ANKRD26: variants seen among roughly 807,000 people sequenced by gnomAD.
The protein encoded by ANKRD26 is ankyrin repeat domain-containing protein 26.
A neutral mutation model predicts 208.7 loss-of-function variants in ANKRD26; 141 were observed. The ratio of observed to expected loss-of-function variants is 0.68; its 90% CI spans 0.59 to 0.78. The LOEUF is 0.78. Among genes scored for constraint, ANKRD26 ranks in the 30% least tolerant of loss-of-function variants. ANKRD26 has a pLI of 0.00. For synonymous variants in ANKRD26, 636 were observed against 660.4 expected, an observed-to-expected ratio of 0.96 and a Z score of 0.57; for missense variants, 1,889 against 1,938.7, an observed-to-expected ratio of 0.97 and a Z score of 0.48.
rs144521401 is a variant in ANKRD26 at position 27,033,031 on chromosome 10, C to T, written c.3807+194G>A. Among the ~76,000 whole-genome samples, 2,951 of 145,874 alleles carry T rather than the reference C, an allele frequency of 0.02. 47 individuals are homozygous for T. The highest frequency in any genetic ancestry group is 0.058 in the Middle Eastern group (15 of 258). ...TGGGGCTTGCATTGAGCCGAGATCG[C>T]GCCACTGTGCCACTGCACTCCAGCC... On this transcript the variant is annotated intron_variant, in intron 25 of 33. Transcript: ENST00000376087.
chr10:26,977,374 CTA>C (rs2052243328), intron 5 of ANKRD26, among the ~76,000 whole-genome samples: 2 of 152,188 alleles, frequency 1.3e-5, no homozygotes, highest in Non-Finnish European at 2.9e-5. Flanking sequence ...TAACTTTCAT[CTA>C]TTTGAATCGA....
rs759571073 is a variant in ANKRD26, at chr10:27,029,368, A to G, written c.3808-12T>C. 1 of 1,608,096 alleles carries G rather than the reference A, an allele frequency of 6.2e-7. No homozygotes were observed. The highest frequency in any genetic ancestry group is 1.7e-5 in the Admixed American group (1 of 59,576). On this transcript the variant is annotated splice_polypyrimidine_tract_variant and intron_variant, in intron 25 of 33. Transcript: ENST00000376087. ...TGTGCTTCTTGCAACTAAAACAAAG[A>G]ATAAAAAAAACCCACTTTACTAATA... is the stretch of plus-strand genomic sequence containing the variant.
chr10:27,037,170 A>G lies in ANKRD26; in HGVS notation c.2697+16T>C. On this transcript the variant is annotated intron_variant, in intron 23 of 33. Coordinates refer to ENST00000376087, the MANE Select transcript of ANKRD26 (RefSeq NM_014915.3). The stretch of plus-strand genomic sequence containing the variant: ...ATACACACATATTTGAAAATGACTA[A>G]AGGAAATAGAAATACCTCAGAATTC... The G allele has an allele frequency of 1.2e-6, 2 of 1,611,754 alleles. No individual in the cohort carries two copies. Among genetic ancestry groups the G allele is most frequent in the South Asian group, 2.2e-5 (2 of 90,994 alleles).
rs1317649128 is a variant in ANKRD26 at position 27,079,092 on chromosome 10, A to C, written c.810T>G (p.Thr270=). ...AGTTCATGAGAGAGCACTTTACCTT[A>C]GTATCAAAATTGAGGTCTTCGTCAT... ...TSDDEDLNFD[T]KNVPKPSLAK... is the part of the protein sequence containing the mutation. Residue 270 remains threonine, a synonymous_variant, in exon 7 of 34, where the codon ACT becomes ACG. Coordinates refer to ENST00000376087, the MANE Select transcript of ANKRD26 (RefSeq NM_014915.3). The C allele has an allele frequency of 1.9e-6, 3 of 1,611,272 alleles. No individual in the cohort carries two copies. In the African/African-American group the frequency reaches 4.0e-5, roughly 22 times the overall value.
At chr10:27,075,903 T>C (rs908979681) in intron 9 of ANKRD26, among the ~76,000 whole-genome samples, 5 of 152,194 alleles carry the variant, frequency 3.3e-5, no homozygotes, top group Non-Finnish European at 7.3e-5. Flanking sequence ...TGAAGTATCT[T>C]CTCAGACCAC....
intron 9 of ANKRD26, among the ~76,000 whole-genome samples, chr10:27,075,145 T>C (rs376107864): frequency 3.9e-5 from 6 of 152,318 alleles, no homozygotes; most frequent in African/African-American, 1.4e-4. Context: ...TCTGAAAGCA[T>C]ACAATTCACA....
chr10:26,952,682 T>C, the ANKRD26 span, among the ~76,000 whole-genome samples: 1 of 152,154 alleles, frequency 6.6e-6, no homozygotes, highest in Non-Finnish European at 1.5e-5. Context: ...CAAGGCTAAG[T>C]AGGGACAGCA....
chr10:26,983,857 G>C (rs1419179899), intron 3 of ANKRD26, among the ~76,000 whole-genome samples: 3 of 152,128 alleles, frequency 2.0e-5, no homozygotes, highest in Non-Finnish European at 4.4e-5. Flanking sequence ...AAGGACACCA[G>C]ACCATTTCTG....
chr10:26,948,053 G>T, the ANKRD26 span, among the ~76,000 whole-genome samples: 2 of 152,128 alleles, frequency 1.3e-5, no homozygotes, highest in South Asian at 2.1e-4. Context: ...CCATTCTCCT[G>T]CATCAAATTC....
chr10:27,051,292 T>C (rs1226843239), intron 16 of ANKRD26: 4 of 1,287,898 alleles, frequency 3.1e-6, no homozygotes, highest in Admixed American at 2.3e-5. Flanking sequence ...AAGTTCTGTA[T>C]TGGTTTTGTT....
intron 16 of ANKRD26, among the ~76,000 whole-genome samples, chr10:27,050,218 T>TAAAAAAAAAAAA (rs2054600179): frequency 2.0e-4 from 1 of 4,886 alleles, no homozygotes; most frequent in African/African-American, 1.4e-3. Context: ...AGAATCTGTC[T>TAAAAAAAAAAAA]CAAAAAAAAA....
Position 27,035,031 on chromosome 10 carries a change from T to C in ANKRD26, c.3419A>G (p.Gln1140Arg), listed in dbSNP as rs2053997369. Residue 1140 changes from glutamine (Q) to arginine (R), a missense_variant, in exon 24 of 34, where the codon CAA becomes CGA. Physicochemically the swap from Gln to Arg is conservative, Grantham distance 43. Coordinates refer to ENST00000376087, the MANE Select transcript of ANKRD26 (RefSeq NM_014915.3). ...TTGTCGAAGCAACATATTCTCACTT[T>C]GTAGTTGAGACAATCTCTCCTCTAC... ...ESVEERLSQL[Q>R]SENMLLRQQL... 1 of 1,614,008 alleles carries C rather than the reference T, an allele frequency of 6.2e-7. No individual in the cohort carries two copies. Among genetic ancestry groups the C allele is most frequent in the Non-Finnish European group, 8.5e-7 (1 of 1,179,916 alleles).
At position 27,005,492 on chromosome 10, in the gene ANKRD26, A is replaced by T; in HGVS notation, c.*98T>A. The T allele has an allele frequency of 6.5e-7, 1 of 1,541,218 alleles. No individual in the cohort carries two copies. The highest frequency in any genetic ancestry group is 1.2e-5 in the South Asian group (1 of 81,230). On this transcript the variant is annotated 3_prime_UTR_variant, in exon 34 of 34. Coordinates refer to ENST00000376087, the MANE Select transcript of ANKRD26 (RefSeq NM_014915.3). ...TAAATTTTGATCTGACATATATGAT[A>T]CAAAAATACGTTCCTTTAATATTTT...
rs1478002409 is a variant in ANKRD26, at chr10:27,043,581, AAC to A, written c.2020-16_2020-15del. 2 of 1,609,402 alleles carry A rather than the reference AAC, an allele frequency of 1.2e-6. No individual in the cohort carries two copies. The highest frequency in any genetic ancestry group is 1.7e-5 in the Admixed American group (1 of 59,982). On this transcript the variant is annotated splice_polypyrimidine_tract_variant and intron_variant, in intron 19 of 33. Transcript: ENST00000376087. ...TTGGTTTTTGACCTATGAAATAAATAACACTGTTTCAAAATGTCCCCAGAATA... is the reference window on the plus strand; with the variant it reads ...TTGGTTTTTGACCTATGAAATAAATAACTGTTTCAAAATGTCCCCAGAATA...
chr10:26,963,816 C>T, the ANKRD26 span, among the ~76,000 whole-genome samples: 2 of 150,964 alleles, frequency 1.3e-5, no homozygotes, highest in African/African-American at 4.9e-5. Flanking sequence ...ATTGTAGTTA[C>T]CTTGTAGTTT....
intron 15 of ANKRD26, 87 bp downstream of exon 15, chr10:27,060,258 A>G: frequency 5.6e-6 from 7 of 1,250,462 alleles, no homozygotes; most frequent in Non-Finnish European, 8.0e-6. Flanking sequence ...AAAAAGAATT[A>G]GGAATAAGAA....
At chr10:27,033,000 G>A (rs895573792) in intron 25 of ANKRD26, among the ~76,000 whole-genome samples, 8 of 150,478 alleles carry the variant, frequency 5.3e-5, no homozygotes, top group Admixed American at 2.0e-4. Flanking sequence ...GAGTGAGCCC[G>A]GGAGGTGGGG....
At chr10:26,966,642 T>G in the ANKRD26 span, among the ~76,000 whole-genome samples, 3 of 152,300 alleles carry the variant, frequency 2.0e-5, no homozygotes, top group African/African-American at 7.2e-5. Flanking sequence ...TTTTTGGTAA[T>G]CATGCCTCAT....
Position 27,005,631 on chromosome 10 carries a change from T to C in ANKRD26, c.5092A>G (p.Arg1698Gly), listed in dbSNP as rs921779765. Residue 1698 changes from arginine to glycine, a missense_variant, in exon 34 of 34, where the codon AGA becomes GGA. Around this residue, in one of 3 missense-constraint regions of ANKRD26, gnomAD observed 613 missense variants for 648.2 expected, o/e 0.95. Coordinates refer to ENST00000376087, the MANE Select transcript of ANKRD26 (RefSeq NM_014915.3). ...LNQDLVWKAS[R>G]EYVQVLKKNY... ...TTCTTTAAAACCTGTACATATTCTC[T>C]TGATGCTTTCCAAACTAGATCTTGA... The C allele has an allele frequency of 1.2e-6, 2 of 1,613,168 alleles. No homozygotes were observed. Among genetic ancestry groups the C allele is most frequent in the Middle Eastern group, 1.7e-4 (1 of 6,036 alleles).
Sources: gnomAD v4.1 joint callset for allele counts (sites outside exome capture counted in the v4.1 genomes callset) on GRCh38, gnomAD v4.1.1 for gene constraint, gnomAD v4.1.1 regional missense constraint, MANE v1.5 for transcripts, NCBI Gene and HGNC (gene_info 2026-07-23, HGNC 2026-07-21) for gene names.